PTPRB: variants seen among roughly 807,000 people sequenced by gnomAD.
PTPRB encodes protein tyrosine phosphatase receptor type B.
In PTPRB, 97 loss-of-function variants were observed where a neutral mutation model predicts 238.1. The ratio of observed to expected loss-of-function variants is 0.41; its 90% CI spans 0.35 to 0.48. PTPRB has a LOEUF of 0.48. Ranked by LOEUF, PTPRB falls within the 20% of genes least tolerant of loss-of-function variation. The pLI is 0.30. For missense variants in PTPRB, 2,292 were observed against 2,681.9 expected (o/e 0.85, Z 3.21); for synonymous variants, 970 against 995.4 (o/e 0.97, Z 0.48).
intron 12 of PTPRB, among the ~76,000 whole-genome samples, 156 bp downstream of exon 12, chr12:70,571,668 A>G (rs1461870171): frequency 6.6e-6 from 1 of 152,238 alleles, no homozygotes; most frequent in Non-Finnish European, 1.5e-5. Context: ...TTCTGTAATT[A>G]TAGGCCATGG....
At chr12:70,539,598 T>C in intron 26 of PTPRB, 27 bp downstream of exon 26, 1 of 1,470,002 alleles carries the variant, frequency 6.8e-7, no homozygotes, top group Non-Finnish European at 9.3e-7. Context: ...CTAGGGATGC[T>C]GAAGCTTCAT....
intron 6 of PTPRB, among the ~76,000 whole-genome samples, chr12:70,594,086 C>T (rs1177500162): frequency 6.6e-6 from 1 of 152,166 alleles, no homozygotes; most frequent in Non-Finnish European, 1.5e-5. Flanking sequence ...ATGACTGTCA[C>T]ACAGGAGTAG....
At chr12:70,548,180 A>G (rs1876310101) in intron 21 of PTPRB, among the ~76,000 whole-genome samples, 1 of 152,150 alleles carries the variant, frequency 6.6e-6, no homozygotes. Context: ...TACAAAAATT[A>G]GCCAGGCCCG....
chr12:70,581,733 C>G (rs1399275036), intron 9 of PTPRB, among the ~76,000 whole-genome samples: 1 of 151,872 alleles, frequency 6.6e-6, no homozygotes, highest in Non-Finnish European at 1.5e-5. Flanking sequence ...TGATTATGGT[C>G]TAGCAAACTG....
intron 11 of PTPRB, among the ~76,000 whole-genome samples, chr12:70,573,495 CTTTTCTTTTCT>C (rs1250358924): frequency 4.1e-5 from 5 of 122,266 alleles, no homozygotes; most frequent in Middle Eastern, 4.3e-3. Flanking sequence ...TTTCTTTTTT[CTTTTCTTTTCT>C]TTTTTTTTTT....
chr12:70,561,360 C>T (rs949398956), intron 16 of PTPRB, among the ~76,000 whole-genome samples: 1 of 152,116 alleles, frequency 6.6e-6, no homozygotes, highest in Admixed American at 6.5e-5. Context: ...GTTCTCAGTT[C>T]TCTTGTGCTC....
intron 15 of PTPRB, among the ~76,000 whole-genome samples, chr12:70,563,904 C>T (rs1381069661): frequency 6.6e-6 from 1 of 152,136 alleles, no homozygotes; most frequent in Non-Finnish European, 1.5e-5. Flanking sequence ...CTTGACTGTA[C>T]CCACTATTCT....
intron 4 of PTPRB, among the ~76,000 whole-genome samples, chr12:70,605,758 G>C (rs1883894321): frequency 2.0e-5 from 3 of 152,116 alleles, no homozygotes; most frequent in Admixed American, 2.0e-4. Flanking sequence ...CTGGTGAAAT[G>C]ATCTGGATGT....
intron 31 of PTPRB, 80 bp downstream of exon 31, chr12:70,534,408 C>T: frequency 3.4e-6 from 5 of 1,487,684 alleles, no homozygotes; most frequent in Non-Finnish European, 3.6e-6. Flanking sequence ...CCAAATTCCC[C>T]ATGCTTATGT....
intron 33 of PTPRB, among the ~76,000 whole-genome samples, chr12:70,523,605 A>G (rs1174009698): frequency 1.3e-5 from 2 of 152,118 alleles, no homozygotes; most frequent in African/African-American, 4.8e-5. Flanking sequence ...CCTTCATAGC[A>G]GGCATCCTCA....
intron 22 of PTPRB, among the ~76,000 whole-genome samples, chr12:70,543,597 C>T (rs750451187): frequency 1.1e-4 from 17 of 152,086 alleles, no homozygotes; most frequent in African/African-American, 2.7e-4. Flanking sequence ...GCTGAGTCAT[C>T]GTTTGTCATG....
chr12:70,528,697 A>G (rs1323992278), intron 32 of PTPRB, among the ~76,000 whole-genome samples: 1 of 152,252 alleles, frequency 6.6e-6, no homozygotes, highest in Non-Finnish European at 1.5e-5. Context: ...ATATCCATGC[A>G]TGTAAGCATG....
chr12:70,576,678 G>GGA, intron 10 of PTPRB, 33 bp from the exon 11 acceptor site: 1 of 233,492 alleles, frequency 4.3e-6, no homozygotes, highest in African/African-American at 3.9e-5. Flanking sequence ...GCGGGGGGGG[G>GGA]GGGGAAGGGG....
Position 70,520,321 on chromosome 12 carries a change from T to C in PTPRB, c.*1168A>G, listed in dbSNP as rs1054387974. Reference sequence around the variant, plus strand: ...ACTTGGTACAGTATGTAGTGCCTTTTGTTATTAAATGCAACTTTGGGTGAT... The same window carrying C: ...ACTTGGTACAGTATGTAGTGCCTTTCGTTATTAAATGCAACTTTGGGTGAT... On this transcript the variant is annotated 3_prime_UTR_variant, in exon 34 of 34. Coordinates refer to ENST00000334414, the MANE Select transcript of PTPRB (RefSeq NM_001109754.4). 9 of 315,870 alleles carry C rather than the reference T, an allele frequency of 2.8e-5. No individual in the cohort carries two copies. Among genetic ancestry groups the C allele is most frequent in the African/African-American group, 2.0e-4 (9 of 44,652 alleles). 19.6% of individuals were successfully genotyped at this position (315,870 alleles called of 1,614,324 possible).
Position 70,561,395 on chromosome 12 carries a change from C to T in PTPRB, c.4169-461G>A, listed in dbSNP as rs546432476. Among the ~76,000 whole-genome samples, 21 of 152,244 alleles carry T rather than the reference C, an allele frequency of 1.4e-4. No individual in the cohort carries two copies. The South Asian group carries it at 3.5e-3, about 26-fold the overall frequency. ...CTTTTTTATAAAATCTGTATTGGTACAACTTCATTTAGGGAGAGAAGTGTT... is the reference window on the plus strand; with the variant it reads ...CTTTTTTATAAAATCTGTATTGGTATAACTTCATTTAGGGAGAGAAGTGTT... On this transcript the variant is annotated intron_variant, in intron 16 of 33. Transcript: ENST00000334414.
At chr12:70,551,064 T>G (rs1592450985) in intron 21 of PTPRB, among the ~76,000 whole-genome samples, 1 of 152,250 alleles carries the variant, frequency 6.6e-6, no homozygotes, top group Admixed American at 6.5e-5. Flanking sequence ...CCTGGCCAAC[T>G]TTTGTGTTTT....
At chr12:70,609,017 A>C in intron 4 of PTPRB, 52 bp downstream of exon 4, 1 of 1,577,340 alleles carries the variant, frequency 6.3e-7, no homozygotes, top group Non-Finnish European at 8.6e-7. Context: ...TTGAAAAGGC[A>C]GGGCCCAACC....
chr12:70,573,544 T>C (rs2136388796), intron 11 of PTPRB, among the ~76,000 whole-genome samples: 1 of 148,208 alleles, frequency 6.7e-6, no homozygotes, highest in South Asian at 2.2e-4. Flanking sequence ...TCTCACTCTC[T>C]TGCCCGGGCT....
chr12:70,524,450 G>A (rs1872044254), intron 33 of PTPRB, 21 bp downstream of exon 33: 3 of 1,578,432 alleles, frequency 1.9e-6, no homozygotes, highest in Admixed American at 1.9e-5. Context: ...ACTTGGGGAA[G>A]TAAGTGAAGT....
Sources: gnomAD v4.1 joint callset for allele counts (sites outside exome capture counted in the v4.1 genomes callset) on GRCh38, gnomAD v4.1.1 for gene constraint, MANE v1.5 for transcripts, NCBI Gene and HGNC (gene_info 2026-07-23, HGNC 2026-07-21) for gene names.